PEX5: variants seen among roughly 807,000 people sequenced by gnomAD.
PEX5 encodes the protein peroxisomal biogenesis factor 5.
Under a neutral mutation model 82.9 loss-of-function variants are expected in PEX5, and 52 were observed. The ratio of observed to expected loss-of-function variants is 0.63; its 90% CI spans 0.50 to 0.79. The LOEUF (loss-of-function observed/expected upper bound fraction) is 0.79. PEX5 is among the 30% of genes least tolerant of loss of function. The probability of loss-of-function intolerance (pLI) is 0.00; values close to 1 mark genes in which losing one functional copy is unlikely to be tolerated. For missense variants in PEX5, 719 were observed against 815.2 expected, an observed-to-expected ratio of 0.88 and a Z score of 1.44; for synonymous variants, 300 against 318.8, an observed-to-expected ratio of 0.94 and a Z score of 0.63.
chr12:7,191,826 G>A (rs971243814), intron 5 of PEX5, 126 bp downstream of exon 5: 2 of 871,132 alleles, frequency 2.3e-6, no homozygotes, highest in South Asian at 1.3e-5. Flanking sequence ...GAGGGGTAGG[G>A]TACTGAACTC....
chr12:7,211,967 T>TG (rs1945611852), downstream of PEX5, among the ~76,000 whole-genome samples: 1 of 94,878 alleles, frequency 1.1e-5, no homozygotes, highest in African/African-American at 4.0e-5. Flanking sequence ...TTTTTTTTTT[T>TG]TGTTTTTTTT....
chr12:7,209,884 C>T, intron 15 of PEX5, 44 bp downstream of exon 15: 3 of 1,611,262 alleles, frequency 1.9e-6, no homozygotes, highest in Non-Finnish European at 2.5e-6. Context: ...CTTTTTCTCC[C>T]TGCCTTTGGC....
Position 7,210,774 on chromosome 12 carries a change from C to A in PEX5, c.*551C>A. 1 of 217,198 alleles carries A rather than the reference C, an allele frequency of 4.6e-6. No individual in the cohort carries two copies. The highest frequency in any genetic ancestry group is 7.7e-5 in the South Asian group (1 of 12,966). The allele number at this position is 217,198 out of a possible 1,614,324, so 13.5% of individuals were successfully genotyped here. A position where few individuals can be genotyped will look rare whatever the true frequency, so the allele number is the denominator to read the frequency against. On this transcript the variant is annotated 3_prime_UTR_variant, in exon 16 of 16. Coordinates refer to ENST00000675855, the MANE Select transcript of PEX5 (RefSeq NM_001351132.2). ...TAGGAGTGCTCATGGTTCTGTCATT[C>A]TTGGACCTCTCCTGGCTGAGCTCTG... is the stretch of plus-strand genomic sequence containing the variant.
rs1406679095 is a variant in PEX5 at position 7,210,138 on chromosome 12, CTA to C, written c.1837_1838del (p.Met613ValfsTer35). The C allele has an allele frequency of 6.2e-7, 1 of 1,614,212 alleles. No homozygotes were observed. Among genetic ancestry groups the C allele is most frequent in the East Asian group, 2.2e-5 (1 of 44,884 alleles). ...TGGAGCACCCTGCGTTTGGCATTGT[CTA>C]TGTTAGGCCAGAGCGATGCCTATGG... On this transcript the variant is annotated frameshift_variant, in exon 16 of 16. Transcript: ENST00000675855. LOFTEE classifies it high-confidence loss of function.
At position 7,210,400 on chromosome 12, in the gene PEX5, G is replaced by T. The variant is rs921399910; in HGVS notation, c.*177G>T. The T allele has an allele frequency of 4.5e-6, 3 of 662,174 alleles. No homozygotes were observed. Among genetic ancestry groups the T allele is most frequent in the Non-Finnish European group, 2.7e-6 (1 of 365,212 alleles). The allele number at this position is 662,174 out of a possible 1,614,324, so 41.0% of individuals were successfully genotyped here. Reference sequence around the variant, plus strand: ...TCTGTGTTCTAGTTCCTACATAATTGTAGGAAAATGAGCTGTGTCATCTCT... The same window carrying T: ...TCTGTGTTCTAGTTCCTACATAATTTTAGGAAAATGAGCTGTGTCATCTCT... On this transcript the variant is annotated 3_prime_UTR_variant, in exon 16 of 16. Coordinates refer to ENST00000675855, the MANE Select transcript of PEX5 (RefSeq NM_001351132.2).
chr12:7,194,585 C>T (rs1941760350), intron 5 of PEX5, among the ~76,000 whole-genome samples: 2 of 152,132 alleles, frequency 1.3e-5, no homozygotes. Flanking sequence ...ATTTTTTTAG[C>T]TTACCTTATT....
At chr12:7,201,206 TG>T (rs1943930505) in intron 6 of PEX5, among the ~76,000 whole-genome samples, 1 of 150,188 alleles carries the variant, frequency 6.7e-6, no homozygotes, top group Non-Finnish European at 1.5e-5. Flanking sequence ...CACATACATG[TG>T]CACATACATG....
chr12:7,192,288 G>C (rs1171996099), intron 5 of PEX5, among the ~76,000 whole-genome samples: 1 of 152,216 alleles, frequency 6.6e-6, no homozygotes, highest in Non-Finnish European at 1.5e-5. Flanking sequence ...TTGAGGCTTA[G>C]AGGTGAAGTG....
chr12:7,205,481 A>G (rs1296458693), intron 10 of PEX5, among the ~76,000 whole-genome samples: 1 of 152,228 alleles, frequency 6.6e-6, no homozygotes, highest in African/African-American at 2.4e-5. Context: ...AGATATTAAT[A>G]TACTATTATG....
At chr12:7,205,341 CAAT>C (rs1486134195) in intron 10 of PEX5, among the ~76,000 whole-genome samples, 1 of 152,074 alleles carries the variant, frequency 6.6e-6, no homozygotes. Context: ...AATTCCATGT[CAAT>C]AGAACTTTTT....
At chr12:7,204,888 A>T (rs1944570535) in intron 10 of PEX5, among the ~76,000 whole-genome samples, 1 of 152,162 alleles carries the variant, frequency 6.6e-6, no homozygotes, top group South Asian at 2.1e-4. Flanking sequence ...TTAGAAAAAA[A>T]ATCACATTTG....
At position 7,191,569 on chromosome 12, in the gene PEX5, C is replaced by A; in HGVS notation, c.317C>A (p.Ala106Asp). 6.2e-7 allele frequency: 1 copy of A among 1,613,960 alleles called. No homozygotes were observed. Among genetic ancestry groups the A allele is most frequent in the Non-Finnish European group, 8.5e-7 (1 of 1,179,918 alleles). ...TAGTTTTCTCTCTCTCTCTTTTAAG[C>A]CCCTGGTGTGGCAGACTTGGCCTTG... ...QSNFRQAPQR[A>D]PGVADLALSE... The change falls in exon 5 of 16, where the codon GCC becomes GAC. Residue 106 changes from alanine to aspartate, a missense_variant and splice_region_variant. Physicochemically the swap from Ala to Asp is moderately radical, Grantham distance 126. Transcript: ENST00000675855.
intron 5 of PEX5, among the ~76,000 whole-genome samples, chr12:7,195,595 G>T (rs139736801): frequency 6.6e-6 from 1 of 150,746 alleles, no homozygotes. Context: ...AAATTCAAAG[G>T]TGCTTTGTGT....
chr12:7,202,313 C>A lies in PEX5; in HGVS notation c.715C>A (p.Gln239Lys), dbSNP rs1425522784. The change falls in exon 8 of 16, where the codon CAG becomes AAG. Residue 239 changes from glutamine to lysine, a missense_variant. Gln to Lys is a moderately conservative substitution (Grantham distance 53). Transcript: ENST00000675855. ...LESGAGSGRA[Q>K]AEQWAAEFIQ... ...GTCCGGTGCAGGGTCGGGCCGAGCT[C>A]AGGCAGAACAGTGGGCAGCAGAGTT... 1 of 1,613,962 alleles carries A rather than the reference C, an allele frequency of 6.2e-7. No individual in the cohort carries two copies. Among genetic ancestry groups the A allele is most frequent in the Non-Finnish European group, 8.5e-7 (1 of 1,180,028 alleles).
At position 7,202,493 on chromosome 12, in the gene PEX5, G is replaced by T. The variant is rs1944216959; in HGVS notation, c.754-119G>T. Reference sequence around the variant, plus strand: ...CCAGGTCCCAAGTGGGTGGGAAAGAGATTCTGAGAATGATTTTCTCAGAAG... The same window carrying T: ...CCAGGTCCCAAGTGGGTGGGAAAGATATTCTGAGAATGATTTTCTCAGAAG... On this transcript the variant is annotated intron_variant, in intron 8 of 15. Coordinates refer to ENST00000675855, the MANE Select transcript of PEX5 (RefSeq NM_001351132.2). 1.8e-5 allele frequency: 25 copies of T among 1,400,000 alleles called. No individual in the cohort carries two copies. In the South Asian group the frequency reaches 2.8e-4, roughly 16 times the overall value. 86.7% of individuals were successfully genotyped at this position (1,400,000 alleles called of 1,614,324 possible). A position where few individuals can be genotyped will look rare whatever the true frequency, so the allele number is the denominator to read the frequency against.
intron 5 of PEX5, among the ~76,000 whole-genome samples, chr12:7,194,594 T>C (rs867993057): frequency 6.6e-5 from 10 of 152,242 alleles, no homozygotes; most frequent in South Asian, 4.1e-4. Context: ...GCTTACCTTA[T>C]TTTGTAATGG....
rs111286659 is a variant in PEX5 at position 7,202,608 on chromosome 12, G to T, written c.754-4G>T. The T allele has an allele frequency of 1.9e-6, 3 of 1,612,932 alleles. No individual in the cohort carries two copies. Among genetic ancestry groups the T allele is most frequent in the Middle Eastern group, 1.7e-4 (1 of 6,060 alleles). ...GTGGTACTGACCATCCTTTTTTGTC[G>T]CAGGGTACATCAGATGCCTGGGTTG... On this transcript the variant is annotated splice_region_variant and splice_polypyrimidine_tract_variant and intron_variant, in intron 8 of 15. Coordinates refer to ENST00000675855, the MANE Select transcript of PEX5 (RefSeq NM_001351132.2).
At chr12:7,209,283 G>A in intron 14 of PEX5, 113 bp downstream of exon 14, 1 of 1,078,588 alleles carries the variant, frequency 9.3e-7, no homozygotes. Context: ...TACTTGGGAG[G>A]CTGAAGTGGG....
chr12:7,214,736 AATT>A (rs1372109150), downstream of PEX5, among the ~76,000 whole-genome samples: 5 of 77,328 alleles, frequency 6.5e-5, no homozygotes, highest in Non-Finnish European at 8.7e-5. Context: ...ATAAAAAAAG[AATT>A]ATTCTCTTAA....
Sources: allele counts gnomAD v4.1 joint callset (sites outside exome capture counted in the v4.1 genomes callset), GRCh38; gene constraint gnomAD v4.1.1; transcripts MANE v1.5; gene names NCBI Gene and HGNC (gene_info 2026-07-23, HGNC 2026-07-21).